Variants in FAM91A1 observed in about 807,000 individuals in gnomAD.
FAM91A1 encodes protein FAM91A1.
In FAM91A1, 41 loss-of-function variants were observed where a neutral mutation model predicts 113.5. That is an observed-to-expected ratio of 0.36 (90% CI 0.28 to 0.47). The LOEUF (loss-of-function observed/expected upper bound fraction) is 0.47, where lower values mean the gene tolerates loss of function less well. Ranked by LOEUF, FAM91A1 falls within the 20% of genes least tolerant of loss-of-function variation. The probability of loss-of-function intolerance (pLI) is 1.00; values close to 1 mark genes in which losing one functional copy is unlikely to be tolerated. For missense variants in FAM91A1, 696 were observed against 1,001.2 expected, an observed-to-expected ratio of 0.70 and a Z score of 4.11; for synonymous variants, 307 against 347.9, an observed-to-expected ratio of 0.88 and a Z score of 1.31.
Position 123,809,156 on chromosome 8 carries a change from T to C in FAM91A1, c.2261+140T>C, listed in dbSNP as rs1815888117. 4.8e-6 allele frequency: 6 copies of C among 1,253,850 alleles called. No individual in the cohort carries two copies. The East Asian group carries it at 1.7e-4, about 35-fold the overall frequency. The allele number at this position is 1,253,850 out of a possible 1,614,324, so 77.7% of individuals were successfully genotyped here. A position where few individuals can be genotyped will look rare whatever the true frequency, so the allele number is the denominator to read the frequency against. On this transcript the variant is annotated intron_variant, in intron 22 of 23. Coordinates refer to ENST00000334705, the MANE Select transcript of FAM91A1 (RefSeq NM_144963.4). ...TTGTTGATTGAATAGAGATCGCTAG[T>C]TTAAGGGTTTTGCTGTATTTTTCAA...
intron 1 of FAM91A1, 111 bp downstream of exon 1, chr8:123,768,885 T>C: frequency 2.7e-6 from 3 of 1,090,928 alleles, no homozygotes; most frequent in Admixed American, 4.1e-5. Context: ...ACTCCCTTCC[T>C]TTACTCCTCC....
chr8:123,781,026 A>T (rs1365192632), intron 8 of FAM91A1, among the ~76,000 whole-genome samples: 1 of 152,186 alleles, frequency 6.6e-6, no homozygotes, highest in East Asian at 1.9e-4. Flanking sequence ...TTATGGATGT[A>T]TCAATTTATT....
intron 15 of FAM91A1, among the ~76,000 whole-genome samples, chr8:123,793,790 G>A (rs1041800835): frequency 2.6e-5 from 4 of 152,154 alleles, no homozygotes; most frequent in Non-Finnish European, 5.9e-5. Flanking sequence ...TTTTCAGGAG[G>A]CCATTATATG....
In FAM91A1 at chr8:123,790,571, T is replaced by C. The variant is rs545340393; in HGVS notation, c.1411+826T>C. On this transcript the variant is annotated intron_variant, in intron 15 of 23. Transcript: ENST00000334705. ...ATTAGTTTCATTTACCTAAAAACTA[T>C]TTTTTCTGGCCAAGAACATCAGTTT... is the stretch of plus-strand genomic sequence containing the variant. Among the ~76,000 whole-genome samples the C allele has an allele frequency of 5.3e-4, 81 of 152,314 alleles. No individual in the cohort carries two copies. In the South Asian group the frequency reaches 0.017, roughly 31 times the overall value.
Position 123,805,269 on chromosome 8 carries a change from G to A in FAM91A1, c.1812G>A (p.Gly604=), listed in dbSNP as rs761803813. ...TTTTAACTTTTGTTTATGTTTAGGG[G>A]CATGGTCTGCATGGGATAGGAGAAA... ...ALTHSAVLIQ[G]HGLHGIGETV... is the part of the protein sequence containing the mutation. Residue 604 remains glycine, a splice_region_variant and synonymous_variant, in exon 19 of 24, where the codon GGG becomes GGA. Coordinates refer to ENST00000334705, the MANE Select transcript of FAM91A1 (RefSeq NM_144963.4). The A allele has an allele frequency of 1.2e-5, 19 of 1,609,588 alleles. No individual in the cohort carries two copies. Among genetic ancestry groups the A allele is most frequent in the Non-Finnish European group, 1.4e-5 (17 of 1,177,832 alleles).
At chr8:123,786,161 T>G in intron 11 of FAM91A1, 1 of 268,462 alleles carries the variant, frequency 3.7e-6, no homozygotes. Flanking sequence ...GGTGAGCCCT[T>G]TATATTAGTG....
At chr8:123,786,425 C>T in intron 11 of FAM91A1, 70 bp from the exon 12 acceptor site, 1 of 1,130,542 alleles carries the variant, frequency 8.8e-7, no homozygotes, top group Non-Finnish European at 1.3e-6. Flanking sequence ...TAAGTCTTAA[C>T]TTCAGTAGAT....
chr8:123,789,698 A>G lies in FAM91A1; in HGVS notation c.1364A>G (p.Asn455Ser). The G allele has an allele frequency of 6.2e-7, 1 of 1,613,356 alleles. No individual in the cohort carries two copies. The highest frequency in any genetic ancestry group is 8.5e-7 in the Non-Finnish European group (1 of 1,179,852). Reference sequence around the variant, plus strand: ...AACACAATACTGTTTCTGCGTCATAACAAAGATCTAGTTGCGCAAACTGCA... The same window carrying G: ...AACACAATACTGTTTCTGCGTCATAGCAAAGATCTAGTTGCGCAAACTGCA... The part of the protein sequence containing the change: ...LRNTILFLRH[N>S]KDLVAQTAQP... The change falls in exon 15 of 24, where the codon AAC becomes AGC. Residue 455 changes from asparagine (N) to serine (S), a missense_variant. Transcript: ENST00000334705.
rs762855024 is a variant in FAM91A1, at chr8:123,768,789, TG to T, written c.72+18del. ...ACGTGAGACAGGTACGGCCGGAACC[TG>T]GGACCGGGCCCCTGACGGATTCGGC... On this transcript the variant is annotated intron_variant, in intron 1 of 23. Transcript: ENST00000334705. 2.5e-6 allele frequency: 4 copies of T among 1,609,238 alleles called. No homozygotes were observed. The highest frequency in any genetic ancestry group is 2.5e-6 in the Non-Finnish European group (3 of 1,177,872).
chr8:123,802,255 G>C (rs991876321), intron 18 of FAM91A1, among the ~76,000 whole-genome samples: 1 of 152,206 alleles, frequency 6.6e-6, no homozygotes, highest in African/African-American at 2.4e-5. Flanking sequence ...TCAAGGACAT[G>C]GTAATAAGAA....
At chr8:123,784,393 TA>T (rs1815199677) in intron 8 of FAM91A1, 76 bp from the exon 9 acceptor site, 10 of 1,088,738 alleles carry the variant, frequency 9.2e-6, no homozygotes, top group Admixed American at 8.5e-5. Context: ...TTTCTTTTTT[TA>T]ATTAGATATG....
At position 123,774,160 on chromosome 8, in the gene FAM91A1, C is replaced by G. The variant is rs1814924313; in HGVS notation, c.153C>G (p.Asn51Lys). 1.2e-6 allele frequency: 2 copies of G among 1,606,628 alleles called. No individual in the cohort carries two copies. The highest frequency in any genetic ancestry group is 4.5e-5 in the East Asian group (2 of 44,566). Residue 51 changes from asparagine to lysine, a missense_variant, in exon 2 of 24, where the codon AAC becomes AAG. By Grantham distance (94) the Asn-to-Lys change is moderately conservative. Coordinates refer to ENST00000334705, the MANE Select transcript of FAM91A1 (RefSeq NM_144963.4). The part of the protein sequence containing the change: ...SIRNQLRYRN[N>K]LVKHVKKDER... ...GCAATCAGTTACGATATAGAAATAA[C>G]TTAGGTAAGTAGAGCCATGTTTATA...
chr8:123,814,831 G>A lies in FAM91A1; in HGVS notation c.*2127G>A, dbSNP rs998796484. On this transcript the variant is annotated 3_prime_UTR_variant, in exon 24 of 24. Transcript: ENST00000334705. The stretch of plus-strand genomic sequence containing the variant: ...TCATGTAATCTCTTAAATCTTACAA[G>A]CATTGATCCATTTCAACAAAAAGGT... The A allele has an allele frequency of 1.3e-5, 2 of 152,612 alleles. No individual in the cohort carries two copies. The highest frequency in any genetic ancestry group is 2.9e-5 in the Non-Finnish European group (2 of 68,024). The allele number at this position is 152,612 out of a possible 1,614,324, so 9.5% of individuals were successfully genotyped here.
rs963087511 is a variant in FAM91A1, at chr8:123,815,201, G to A, written c.*2497G>A. ...TTTATGTTTTTTTTTCAGGGGAGCG[G>A]AATATTGGTTTCTTTTACTTGTTGT... is the stretch of plus-strand genomic sequence containing the variant. On this transcript the variant is annotated 3_prime_UTR_variant, in exon 24 of 24. Coordinates refer to ENST00000334705, the MANE Select transcript of FAM91A1 (RefSeq NM_144963.4). 2.0e-5 allele frequency: 3 copies of A among 152,084 alleles called. No homozygotes were observed. The South Asian group carries it at 6.2e-4, about 32-fold the overall frequency. The allele number at this position is 152,084 out of a possible 1,614,324, so 9.4% of individuals were successfully genotyped here. A position where few individuals can be genotyped will look rare whatever the true frequency, so the allele number is the denominator to read the frequency against.
In FAM91A1 at chr8:123,806,065, C is replaced by T; in HGVS notation, c.1883-15C>T. On this transcript the variant is annotated splice_polypyrimidine_tract_variant and intron_variant, in intron 19 of 23. Transcript: ENST00000334705. ...TAGAAACTGTTCATTAATGTGATGT[C>T]CGTTCTGTTTGTAGAGTTCACTCGT... The T allele has an allele frequency of 6.5e-7, 1 of 1,543,442 alleles. No homozygotes were observed. The highest frequency in any genetic ancestry group is 8.8e-7 in the Non-Finnish European group (1 of 1,139,454).
chr8:123,787,851 A>G lies in FAM91A1; in HGVS notation c.1278+101A>G, dbSNP rs1586379937. 1.1e-5 allele frequency: 10 copies of G among 906,296 alleles called. No individual in the cohort carries two copies. The East Asian group carries it at 2.5e-4, about 22-fold the overall frequency. The allele number at this position is 906,296 out of a possible 1,614,324, so 56.1% of individuals were successfully genotyped here. A position where few individuals can be genotyped will look rare whatever the true frequency, so the allele number is the denominator to read the frequency against. On this transcript the variant is annotated intron_variant, in intron 14 of 23. Transcript: ENST00000334705. ...AGTCTGTTGATTTGGATGGGCTTTCAGTGTATTCTTGCTCGTTCCTACCTC... is the reference window on the plus strand; with the variant it reads ...AGTCTGTTGATTTGGATGGGCTTTCGGTGTATTCTTGCTCGTTCCTACCTC...
At chr8:123,800,638 T>A (rs73337428) in intron 18 of FAM91A1, among the ~76,000 whole-genome samples, 3 of 152,126 alleles carry the variant, frequency 2.0e-5, no homozygotes, top group African/African-American at 7.2e-5. Flanking sequence ...AAAAGAAACC[T>A]TGTATCCTTT....
rs541382270 is a variant in FAM91A1 at position 123,769,944 on chromosome 8, ATTTATT to A, written c.72+1185_72+1190del. Among the ~76,000 whole-genome samples the A allele has an allele frequency of 1.9e-4, 29 of 150,518 alleles. 1 individual carries two copies. The South Asian group carries it at 6.1e-3, about 32-fold the overall frequency. Reference sequence around the variant, plus strand: ...CGGTGATGGTATATAAGGATTATTTATTTATTTTTATTTTTATTTTCATTTCTTTGA... The same window carrying A: ...CGGTGATGGTATATAAGGATTATTTATTTATTTTTATTTTCATTTCTTTGA... On this transcript the variant is annotated intron_variant, in intron 1 of 23. Transcript: ENST00000334705.
At chr8:123,799,935 T>A in intron 18 of FAM91A1, 50 bp downstream of exon 18, 7 of 1,407,420 alleles carry the variant, frequency 5.0e-6, no homozygotes, top group Non-Finnish European at 6.8e-6. Context: ...AAGTTGATAA[T>A]TTTTCTAGCT....
Sources: gnomAD v4.1 joint callset for allele counts (sites outside exome capture counted in the v4.1 genomes callset) on GRCh38, gnomAD v4.1.1 for gene constraint, MANE v1.5 for transcripts, NCBI Gene and HGNC (gene_info 2026-07-23, HGNC 2026-07-21) for gene names.